Variants in PRKN observed in about 807,000 individuals in gnomAD.
PRKN encodes E3 ubiquitin-protein ligase parkin.
Under a neutral mutation model 59.5 loss-of-function variants are expected in PRKN, and 56 were observed. The observed-to-expected ratio is 0.94, with a 90% CI of 0.76 to 1.18. The LOEUF is 1.18. Among genes scored for constraint, PRKN ranks in the 50% most tolerant of loss-of-function variants. PRKN has a pLI of 0.00. For synonymous variants in PRKN, 250 were observed against 222.1 expected (o/e 1.13, Z -1.12); for missense variants, 657 against 596.4 (o/e 1.10, Z -1.06).
chr6:161,441,062 C>T (rs1018667857), intron 9 of PRKN, among the ~76,000 whole-genome samples: 4 of 152,144 alleles, frequency 2.6e-5, no homozygotes, highest in Non-Finnish European at 4.4e-5. Context: ...TTTTGGCCAG[C>T]TAAACACCAT....
chr6:162,117,346 G>A (rs1014549049), intron 4 of PRKN, among the ~76,000 whole-genome samples: 2 of 152,232 alleles, frequency 1.3e-5, no homozygotes, highest in Non-Finnish European at 2.9e-5. Context: ...TCTACTAGGC[G>A]TAGGCTTTCG....
intron 9 of PRKN, among the ~76,000 whole-genome samples, chr6:161,481,553 G>A (rs1408197973): frequency 6.6e-6 from 1 of 152,068 alleles, no homozygotes. Flanking sequence ...GCAGTGAGCT[G>A]AGGTCGCACC....
intron 9 of PRKN, among the ~76,000 whole-genome samples, chr6:161,509,550 C>T (rs1452814838): frequency 6.6e-6 from 1 of 151,620 alleles, no homozygotes; most frequent in Non-Finnish European, 1.5e-5. Context: ...ATGAGAATGC[C>T]CATCTAGTGC....
chr6:161,553,948 G>T (rs1025331210), intron 8 of PRKN, among the ~76,000 whole-genome samples: 1 of 152,158 alleles, frequency 6.6e-6, no homozygotes, highest in Non-Finnish European at 1.5e-5. Flanking sequence ...GCCAGGAATT[G>T]CCTACTTTTA....
intron 9 of PRKN, among the ~76,000 whole-genome samples, chr6:161,504,964 G>A (rs1390202206): frequency 6.9e-6 from 1 of 145,494 alleles, no homozygotes; most frequent in African/African-American, 2.6e-5. Context: ...TTGCTATTGT[G>A]AATAGTGCTG....
At chr6:162,114,002 T>A (rs990575854) in intron 4 of PRKN, among the ~76,000 whole-genome samples, 4 of 151,912 alleles carry the variant, frequency 2.6e-5, no homozygotes, top group Admixed American at 2.6e-4. Flanking sequence ...TTTTCTCAGG[T>A]TTGTCAAAGA....
At chr6:161,521,971 G>A (rs957672559) in intron 9 of PRKN, among the ~76,000 whole-genome samples, 1 of 152,172 alleles carries the variant, frequency 6.6e-6, no homozygotes, top group Non-Finnish European at 1.5e-5. Flanking sequence ...GATGCAAACT[G>A]AGGATCTTGA....
intron 6 of PRKN, among the ~76,000 whole-genome samples, chr6:161,907,391 C>T (rs544856909): frequency 6.6e-6 from 1 of 152,230 alleles, no homozygotes; most frequent in Non-Finnish European, 1.5e-5. Flanking sequence ...CATCTCAACT[C>T]CTATTACACC....
chr6:161,619,325 CTTTTT>C (rs11286624), intron 7 of PRKN, among the ~76,000 whole-genome samples: 2 of 127,968 alleles, frequency 1.6e-5, no homozygotes, highest in Admixed American at 8.1e-5. Flanking sequence ...TGCTAAGCTG[CTTTTT>C]TTTTTTTTTT....
At chr6:162,723,062 A>G (rs535435147) in intron 1 of PRKN, among the ~76,000 whole-genome samples, 1 of 152,320 alleles carries the variant, frequency 6.6e-6, no homozygotes, top group East Asian at 1.9e-4. Context: ...AGAAATATAA[A>G]TTGAGACTTT....
chr6:161,458,915 T>G lies in PRKN; in HGVS notation c.1084-72038A>C, dbSNP rs1028431433. On this transcript the variant is annotated intron_variant, in intron 9 of 11. Transcript: ENST00000366898. The surrounding 1 kb of genome is among the most constrained non-coding windows in gnomAD (Gnocchi z 6.1). Reference sequence around the variant, plus strand: ...TAATTACCAGAAGCCATTTTCATGTTTTTTTTTTTCTTTTTAAAGTGCATA... The same window carrying G: ...TAATTACCAGAAGCCATTTTCATGTGTTTTTTTTTCTTTTTAAAGTGCATA... Among the ~76,000 whole-genome samples the G allele has an allele frequency of 3.9e-5, 3 of 77,040 alleles. No homozygotes were observed. Among genetic ancestry groups the G allele is most frequent in the African/African-American group, 9.9e-5 (1 of 10,064 alleles). The allele number at this position is 77,040 out of a possible 152,430, so 50.5% of individuals were successfully genotyped here.
In PRKN at chr6:161,467,532, C is replaced by G. The variant is rs930099187; in HGVS notation, c.1084-80655G>C. Among the ~76,000 whole-genome samples the G allele has an allele frequency of 6.6e-6, 1 of 152,132 alleles. No homozygotes were observed. Among genetic ancestry groups the G allele is most frequent in the Non-Finnish European group, 1.5e-5 (1 of 68,038 alleles). On this transcript the variant is annotated intron_variant, in intron 9 of 11. Transcript: ENST00000366898. The surrounding 1 kb of genome is among the most constrained non-coding windows in gnomAD (Gnocchi z 4.3). ...GATACAATTTTAATACAATGCTTTACTGTTGTATAACAGAGAAACATGCAG... is the reference window on the plus strand; with the variant it reads ...GATACAATTTTAATACAATGCTTTAGTGTTGTATAACAGAGAAACATGCAG...
intron 9 of PRKN, among the ~76,000 whole-genome samples, chr6:161,489,115 A>G (rs1373714373): frequency 6.6e-6 from 1 of 152,224 alleles, no homozygotes; most frequent in Non-Finnish European, 1.5e-5. Context: ...TTTCTAAGAC[A>G]TAATTCACTC....
At chr6:161,528,373 C>G (rs1583191801) in intron 9 of PRKN, among the ~76,000 whole-genome samples, 1 of 151,862 alleles carries the variant, frequency 6.6e-6, no homozygotes, top group African/African-American at 2.4e-5. Flanking sequence ...TCCTCCACCC[C>G]TTCCATGAAG....
At chr6:162,636,996 C>T (rs1185838664) in intron 1 of PRKN, among the ~76,000 whole-genome samples, 1 of 151,432 alleles carries the variant, frequency 6.6e-6, no homozygotes, top group African/African-American at 2.4e-5. Flanking sequence ...GTGGCTCACG[C>T]CTGTAATCCC....
At chr6:161,749,116 G>A (rs1055266867) in intron 7 of PRKN, among the ~76,000 whole-genome samples, 2 of 152,142 alleles carry the variant, frequency 1.3e-5, no homozygotes, top group African/African-American at 2.4e-5. Context: ...AGGCGGGCAA[G>A]CAGGTACGCC....
chr6:161,974,079 C>T lies in PRKN; in HGVS notation c.619-662G>A, dbSNP rs1437244599. Among the ~76,000 whole-genome samples, 3 of 152,150 alleles carry T rather than the reference C, an allele frequency of 2.0e-5. No homozygotes were observed. The East Asian group carries it at 5.8e-4, about 29-fold the overall frequency. ...GTCAGGAGTTCGAGACCAGCCTGGCCAATGTGGCGAAACCCCATCTCTACT... is the reference window on the plus strand; with the variant it reads ...GTCAGGAGTTCGAGACCAGCCTGGCTAATGTGGCGAAACCCCATCTCTACT... On this transcript the variant is annotated intron_variant, in intron 5 of 11. Transcript: ENST00000366898.
At position 161,529,394 on chromosome 6, in the gene PRKN, G is replaced by A. The variant is rs1459793191; in HGVS notation, c.1083+19460C>T. The stretch of plus-strand genomic sequence containing the variant: ...AGTCACACATTAGCCCATCTGCTCT[G>A]GTAATGTCAATACCAGCATGCAAGA... On this transcript the variant is annotated intron_variant, in intron 9 of 11. Transcript: ENST00000366898. This position sits in a 1 kb window ranked among gnomAD's most constrained non-coding sequence, Gnocchi z 4.4. Among the ~76,000 whole-genome samples, 1 of 152,148 alleles carries A rather than the reference G, an allele frequency of 6.6e-6. No homozygotes were observed. Among genetic ancestry groups the A allele is most frequent in the Admixed American group, 6.5e-5 (1 of 15,278 alleles).
rs182415506 is a variant in PRKN at position 162,670,851 on chromosome 6, A to G, written c.7+56811T>C. On this transcript the variant is annotated intron_variant, in intron 1 of 11. Coordinates refer to ENST00000366898, the MANE Select transcript of PRKN (RefSeq NM_004562.3). Reference sequence around the variant, plus strand: ...GGTTGAACCATAATATTTTGCAGCTAAAATCTATAGGTAGGCAATTTTTAT... The same window carrying G: ...GGTTGAACCATAATATTTTGCAGCTGAAATCTATAGGTAGGCAATTTTTAT... 6.7e-4 allele frequency among the ~76,000 whole-genome samples: 102 copies of G among 152,350 alleles called. No homozygotes were observed. The East Asian group carries it at 9.8e-3, about 15-fold the overall frequency.
Sources: gnomAD v4.1 joint callset for allele counts (sites outside exome capture counted in the v4.1 genomes callset) on GRCh38, gnomAD v4.1.1 for gene constraint, Gnocchi (gnomAD v3.1) non-coding constraint, MANE v1.5 for transcripts, NCBI Gene and HGNC (gene_info 2026-07-23, HGNC 2026-07-21) for gene names.